The following CRISP1 variants were observed in gnomAD, a reference collection of about 807,000 sequenced individuals.
CRISP1 encodes the protein cysteine rich secretory protein 1, also known as cysteine-rich secretory protein 1.
A neutral mutation model predicts 33.1 loss-of-function variants in CRISP1; 44 were observed. That is an observed-to-expected ratio of 1.33 (90% CI 1.05 to 1.71). The LOEUF (loss-of-function observed/expected upper bound fraction) is 1.71, where lower values mean the gene tolerates loss of function less well. Among genes scored for constraint, CRISP1 ranks in the 40% most tolerant of loss-of-function variants. The pLI is 0.00. For synonymous variants in CRISP1, 103 were observed against 98.7 expected (o/e 1.04, Z -0.26); for missense variants, 390 against 301.2 (o/e 1.29, Z -2.18).
In CRISP1 at chr6:49,857,363, G is replaced by GCAGCAGTAAGCAAT; in HGVS notation, c.37_38insATTGCTTACTGCTG (p.Ala13AspfsTer14). 6.2e-7 allele frequency: 1 copy of GCAGCAGTAAGCAAT among 1,613,006 alleles called. No homozygotes were observed. The highest frequency in any genetic ancestry group is 8.5e-7 in the Non-Finnish European group (1 of 1,179,264). Reference sequence around the variant, plus strand: ...CATGGACAACATAGGCAGTAAGCAAGCAGCAGCAACCAAAAACAAGAGGTG... The same window carrying GCAGCAGTAAGCAAT: ...CATGGACAACATAGGCAGTAAGCAAGCAGCAGTAAGCAATCAGCAGCAACCAAAAACAAGAGGTG... On this transcript the variant is annotated frameshift_variant, in exon 2 of 8. Coordinates refer to ENST00000335847, the MANE Select transcript of CRISP1 (RefSeq NM_001131.3). LOFTEE classifies it high-confidence loss of function.
intron 2 of CRISP1, among the ~76,000 whole-genome samples, chr6:49,854,082 CCTT>C (rs1441397684): frequency 6.6e-6 from 1 of 152,134 alleles, no homozygotes; most frequent in Admixed American, 6.5e-5. Context: ...TGTGAAATAT[CCTT>C]CTTCCCTCAG....
At chr6:49,866,874 A>T (rs956107380), upstream of CRISP1, among the ~76,000 whole-genome samples, 1 of 152,104 alleles carries the variant, frequency 6.6e-6, no homozygotes, top group African/African-American at 2.4e-5. Context: ...TCTTAAGATG[A>T]TTTATGCTCT....
chr6:49,871,879 T>C (rs1438458186), intron 1 of CRISP1, among the ~76,000 whole-genome samples: 3 of 152,126 alleles, frequency 2.0e-5, no homozygotes, highest in South Asian at 4.1e-4. Flanking sequence ...CGTGTCTTTA[T>C]AGCAGCATGA....
intron 7 of CRISP1, 133 bp downstream of exon 7, chr6:49,838,304 G>A (rs1303678595): frequency 2.9e-6 from 2 of 678,528 alleles, no homozygotes; most frequent in Non-Finnish European, 5.0e-6. Context: ...GGAGGGGTAA[G>A]CAGAAATAAT....
At chr6:49,842,050 A>C (rs1483909739) in intron 5 of CRISP1, among the ~76,000 whole-genome samples, 5 of 152,188 alleles carry the variant, frequency 3.3e-5, no homozygotes, top group Admixed American at 3.3e-4. Context: ...ATTAGAGAAC[A>C]TGTTTGTATG....
At chr6:49,867,105 A>G (rs933316937), upstream of CRISP1, among the ~76,000 whole-genome samples, 6 of 152,166 alleles carry the variant, frequency 3.9e-5, no homozygotes, top group African/African-American at 1.4e-4. Flanking sequence ...GAAGCAACTA[A>G]CTACCTTGAG....
At chr6:49,861,964 C>T (rs1771665439) in intron 1 of CRISP1, among the ~76,000 whole-genome samples, 1 of 152,040 alleles carries the variant, frequency 6.6e-6, no homozygotes, top group African/African-American at 2.4e-5. Context: ...TGGAGAAAAG[C>T]TGAATGTCTT....
intron 1 of CRISP1, among the ~76,000 whole-genome samples, chr6:49,866,160 C>T (rs994131012): frequency 2.0e-4 from 31 of 152,114 alleles, no homozygotes; most frequent in South Asian, 8.3e-4. Flanking sequence ...ATTGTCCCTA[C>T]GTGAAAAAAT....
chr6:49,846,431 T>C (rs1771169907), intron 5 of CRISP1, 89 bp downstream of exon 5: 2 of 1,320,346 alleles, frequency 1.5e-6, no homozygotes, highest in South Asian at 2.9e-5. Context: ...CATAAGAAGG[T>C]AGAATGATTT....
chr6:49,836,502 ATT>A (rs936972079), intron 7 of CRISP1, among the ~76,000 whole-genome samples: 2 of 148,682 alleles, frequency 1.3e-5, no homozygotes, highest in Non-Finnish European at 1.5e-5. Context: ...CGCCCTGCTA[ATT>A]TTTTTTTTAT....
chr6:49,846,442 T>C (rs1311999282), intron 5 of CRISP1, 78 bp downstream of exon 5: 1 of 1,414,626 alleles, frequency 7.1e-7, no homozygotes, highest in Non-Finnish European at 9.7e-7. Flanking sequence ...AGAATGATTT[T>C]CAGTTGTTTC....
At chr6:49,848,018 TAA>T (rs1431629646) in intron 4 of CRISP1, among the ~76,000 whole-genome samples, 189 bp downstream of exon 4, 2 of 152,116 alleles carry the variant, frequency 1.3e-5, no homozygotes, top group African/African-American at 4.8e-5. Context: ...TCTGAAAACT[TAA>T]AGATATAAAC....
At chr6:49,871,009 G>A (rs763225912), upstream of CRISP1, among the ~76,000 whole-genome samples, 2 of 152,140 alleles carry the variant, frequency 1.3e-5, no homozygotes, top group South Asian at 2.1e-4. Context: ...GCTGAGGCAT[G>A]AGAATCGCTT....
At chr6:49,872,360 T>C (rs1456983733) in intron 1 of CRISP1, among the ~76,000 whole-genome samples, 7 of 151,838 alleles carry the variant, frequency 4.6e-5, no homozygotes, top group African/African-American at 9.7e-5. Flanking sequence ...TGCCTGTTCA[T>C]TCTGATGGTA....
intron 1 of CRISP1, 87 bp downstream of exon 1, chr6:49,866,342 A>G (rs1771797665): frequency 1.3e-5 from 2 of 152,196 alleles, no homozygotes; most frequent in African/African-American, 2.4e-5. Flanking sequence ...ATGTAATCTC[A>G]TTTAACATTA....
chr6:49,868,205 C>G (rs1001305201), upstream of CRISP1, among the ~76,000 whole-genome samples: 2 of 152,128 alleles, frequency 1.3e-5, no homozygotes, highest in Non-Finnish European at 2.9e-5. Context: ...CAAGGAATAA[C>G]TTGATTTGCA....
chr6:49,851,377 G>C (rs1164986343), intron 3 of CRISP1, among the ~76,000 whole-genome samples: 1 of 152,060 alleles, frequency 6.6e-6, no homozygotes, highest in East Asian at 1.9e-4. Flanking sequence ...AAACACCTGA[G>C]ACTTCCCTAA....
Position 49,835,262 on chromosome 6 carries a change from A to T in CRISP1, c.*54T>A. The T allele has an allele frequency of 4.4e-6, 7 of 1,581,934 alleles. No individual in the cohort carries two copies. Among genetic ancestry groups the T allele is most frequent in the Non-Finnish European group, 6.0e-6 (7 of 1,161,716 alleles). Reference sequence around the variant, plus strand: ...AACTATAGCAAAAGACATGAATCCAACAGACATCTCCTCCTCATCGTCACA... The same window carrying T: ...AACTATAGCAAAAGACATGAATCCATCAGACATCTCCTCCTCATCGTCACA... On this transcript the variant is annotated 3_prime_UTR_variant, in exon 8 of 8. Coordinates refer to ENST00000335847, the MANE Select transcript of CRISP1 (RefSeq NM_001131.3).
chr6:49,872,582 G>A (rs1053727339), intron 1 of CRISP1, among the ~76,000 whole-genome samples: 5 of 152,036 alleles, frequency 3.3e-5, no homozygotes, highest in Non-Finnish European at 5.9e-5. Context: ...TTTGTATAAG[G>A]TGTAAGGAAG....
Sources: allele counts gnomAD v4.1 joint callset (sites outside exome capture counted in the v4.1 genomes callset), GRCh38; gene constraint gnomAD v4.1.1; transcripts MANE v1.5; gene names NCBI Gene and HGNC (gene_info 2026-07-23, HGNC 2026-07-21).